NIPBL: variants seen among roughly 807,000 people sequenced by gnomAD.
The protein encoded by NIPBL is NIPBL cohesin loading factor.
A neutral mutation model predicts 321.8 loss-of-function variants in NIPBL; 19 were observed. The ratio of observed to expected loss-of-function variants is 0.06; its 90% CI spans 0.04 to 0.09. The LOEUF is 0.09. Ranked by LOEUF, NIPBL falls within the 10% of genes least tolerant of loss-of-function variation. The probability of loss-of-function intolerance (pLI) is 1.00; values close to 1 mark genes in which losing one functional copy is unlikely to be tolerated. For synonymous variants in NIPBL, 1,106 were observed against 1,114.1 expected (o/e 0.99, Z 0.14); for missense variants, 2,210 against 3,327.0 (o/e 0.66, Z 8.26).
intron 1 of NIPBL, among the ~76,000 whole-genome samples, chr5:36,882,747 A>G (rs1311813789): frequency 6.6e-6 from 1 of 151,978 alleles, no homozygotes. Flanking sequence ...TTCAAAATTT[A>G]TAATACAATT....
intron 6 of NIPBL, among the ~76,000 whole-genome samples, chr5:36,970,484 T>TA (rs1742734036): frequency 6.6e-6 from 1 of 150,696 alleles, no homozygotes; most frequent in Non-Finnish European, 1.5e-5. Context: ...GATAGATACA[T>TA]ATATCATCTA....
intron 5 of NIPBL, 100 bp from the exon 6 acceptor site, chr5:36,962,023 A>G (rs1741682475): frequency 1.5e-6 from 2 of 1,322,082 alleles, no homozygotes; most frequent in Non-Finnish European, 2.2e-6. Flanking sequence ...TTTTACATAT[A>G]TAAACTAAGA....
At position 37,042,843 on chromosome 5, in the gene NIPBL, GA is replaced by G. The variant is rs1169317720; in HGVS notation, c.6109-1493del. ...TCCGTCTCAAAAAAAAAAAAGAAAG[GA>G]AAAAAAAAAACTAGATTAAAAACAT... On this transcript the variant is annotated intron_variant, in intron 34 of 46. Coordinates refer to ENST00000282516, the MANE Select transcript of NIPBL (RefSeq NM_133433.4). Among the ~76,000 whole-genome samples, 43 of 137,092 alleles carry G rather than the reference GA, an allele frequency of 3.1e-4. No individual in the cohort carries two copies. The East Asian group carries it at 3.4e-3, about 11-fold the overall frequency. The allele number at this position is 137,092 out of a possible 152,430, so 89.9% of individuals were successfully genotyped here.
At chr5:36,922,185 G>A (rs1309447192) in intron 1 of NIPBL, among the ~76,000 whole-genome samples, 2 of 151,986 alleles carry the variant, frequency 1.3e-5, no homozygotes, top group Non-Finnish European at 2.9e-5. Context: ...ACAGCACCTG[G>A]CCCCTTCAAT....
At chr5:36,900,882 T>A (rs184434847) in intron 1 of NIPBL, among the ~76,000 whole-genome samples, 1 of 152,310 alleles carries the variant, frequency 6.6e-6, no homozygotes, top group Admixed American at 6.5e-5. Flanking sequence ...CCATCTTTTC[T>A]TTGATGCCTT....
At chr5:36,989,354 C>T (rs1188637007) in intron 10 of NIPBL, among the ~76,000 whole-genome samples, 1 of 152,132 alleles carries the variant, frequency 6.6e-6, no homozygotes, top group Admixed American at 6.6e-5. Flanking sequence ...ATCTTTCCAT[C>T]ACCATGTTTA....
intron 1 of NIPBL, among the ~76,000 whole-genome samples, chr5:36,945,277 C>T (rs1739540763): frequency 6.6e-6 from 1 of 152,146 alleles, no homozygotes; most frequent in Non-Finnish European, 1.5e-5. Context: ...TAACTAACTA[C>T]AGGCCTCTGC....
At chr5:36,924,538 G>A (rs985309707) in intron 1 of NIPBL, among the ~76,000 whole-genome samples, 2 of 152,086 alleles carry the variant, frequency 1.3e-5, no homozygotes, top group Non-Finnish European at 2.9e-5. Context: ...AGCTGGTTTG[G>A]TCAGGAACAC....
chr5:37,018,890 G>T (rs964416540), intron 24 of NIPBL, among the ~76,000 whole-genome samples: 7 of 152,070 alleles, frequency 4.6e-5, no homozygotes, highest in Non-Finnish European at 8.8e-5. Flanking sequence ...ATTATTTGAG[G>T]TCAGGAGTTC....
In NIPBL at chr5:37,064,169, TA is replaced by T. The variant is rs922140809; in HGVS notation, c.8049+198del. On this transcript the variant is annotated intron_variant, in intron 46 of 46. Transcript: ENST00000282516. ...GTAGAAAGTTTAACATAAAAGACAA[TA>T]AAAAAACAGAAATGAGATTTATCCA... 2.3e-5 allele frequency: 32 copies of T among 1,419,640 alleles called. No homozygotes were observed. In the Admixed American group the frequency reaches 3.0e-4, roughly 13 times the overall value. The allele number at this position is 1,419,640 out of a possible 1,614,324, so 87.9% of individuals were successfully genotyped here.
chr5:36,985,801 C>T lies in NIPBL; in HGVS notation c.2621C>T (p.Ser874Leu), dbSNP rs1744718399. ...CTAGAACGAAAACACAGGCATGAAT[C>T]AGGGGACTCAAGGGAAAGACCATCT... ...DKLERKHRHESGDSRERPSSG... is the reference protein window; with the variant it reads ...DKLERKHRHELGDSRERPSSG... The change falls in exon 10 of 47, where the codon TCA becomes TTA. Residue 874 changes from serine (S) to leucine (L), a missense_variant. Around this residue, in one of 14 missense-constraint regions of NIPBL, gnomAD observed 588 missense variants for 564.1 expected, o/e 1.04. Transcript: ENST00000282516. The T allele has an allele frequency of 6.2e-7, 1 of 1,613,898 alleles. No homozygotes were observed. The highest frequency in any genetic ancestry group is 8.5e-7 in the Non-Finnish European group (1 of 1,179,946).
At chr5:36,878,030 A>G (rs1262164685) in intron 1 of NIPBL, among the ~76,000 whole-genome samples, 1 of 152,252 alleles carries the variant, frequency 6.6e-6, no homozygotes, top group Non-Finnish European at 1.5e-5. Flanking sequence ...GACTATACGT[A>G]AAACACTCAG....
At position 37,058,978 on chromosome 5, in the gene NIPBL, C is replaced by T; in HGVS notation, c.7498C>T (p.Pro2500Ser). ...CGACAGTGAAGAAGAAGTTTCCAGG[C>T]CTCGGAAGTCACGGAAACGTGTAGA... ...SSDSEEEVSR[P>S]RKSRKRVDSD... The change falls in exon 44 of 47, where the codon CCT (proline) becomes TCT (serine). Residue 2500 changes from proline (P) to serine (S), a missense_variant. Pro to Ser is a moderately conservative substitution (Grantham distance 74). Around this residue, in one of 14 missense-constraint regions of NIPBL, gnomAD observed 79 missense variants for 90.8 expected, o/e 0.87. Coordinates refer to ENST00000282516, the MANE Select transcript of NIPBL (RefSeq NM_133433.4). The T allele has an allele frequency of 6.2e-7, 1 of 1,614,126 alleles. No homozygotes were observed. Among genetic ancestry groups the T allele is most frequent in the South Asian group, 1.1e-5 (1 of 91,080 alleles).
intron 6 of NIPBL, among the ~76,000 whole-genome samples, chr5:36,962,642 T>G (rs1472089453): frequency 6.6e-6 from 1 of 152,216 alleles, no homozygotes; most frequent in Non-Finnish European, 1.5e-5. Context: ...ACAGTCAGCC[T>G]TTCACATACA....
At position 37,052,458 on chromosome 5, in the gene NIPBL, C is replaced by T. The variant is rs772030142; in HGVS notation, c.7155C>T (p.Asp2385=). 2.0e-5 allele frequency: 32 copies of T among 1,613,946 alleles called. No homozygotes were observed. Among genetic ancestry groups the T allele is most frequent in the East Asian group, 4.5e-5 (2 of 44,884 alleles). ...LKDPVRGFRQ[D]ESSSALCSHL... ...ATCCTGTAAGGGGTTTCAGACAAGACGAGTCCTCTAGCGCTTTGTGTTCAC... is the reference window on the plus strand; with the variant it reads ...ATCCTGTAAGGGGTTTCAGACAAGATGAGTCCTCTAGCGCTTTGTGTTCAC... Residue 2385 remains aspartate (D), a synonymous_variant, in exon 42 of 47, where the codon GAC becomes GAT. Transcript: ENST00000282516.
At chr5:37,044,525 T>C (rs1171275466) in intron 35 of NIPBL, 38 bp downstream of exon 35, 1 of 1,602,014 alleles carries the variant, frequency 6.2e-7, no homozygotes, top group Non-Finnish European at 8.6e-7. Flanking sequence ...TTCATTAGTG[T>C]AAAGTTCTAA....
intron 6 of NIPBL, among the ~76,000 whole-genome samples, chr5:36,967,022 A>G (rs1171078603): frequency 6.6e-6 from 1 of 152,004 alleles, no homozygotes; most frequent in Non-Finnish European, 1.5e-5. Flanking sequence ...CATAAATATA[A>G]AACAAATATG....
chr5:37,001,112 C>CT (rs768548125), intron 14 of NIPBL, 34 bp downstream of exon 14: 11 of 1,360,720 alleles, frequency 8.1e-6, no homozygotes, highest in African/African-American at 4.3e-5. Context: ...TACACATACT[C>CT]TAAGTGTCTT....
chr5:36,985,171 A>T lies in NIPBL; in HGVS notation c.1991A>T (p.Asn664Ile), dbSNP rs375510491. The stretch of plus-strand genomic sequence containing the variant: ...AGCAGAACAACTGAATGCAAACAAA[A>T]CGAGAGCACCATAGTTGAGCCTAAA... Reference protein sequence around the residue: ...NESRTTECKQNESTIVEPKQN... With the variant: ...NESRTTECKQIESTIVEPKQN... Residue 664 changes from asparagine to isoleucine, a missense_variant, in exon 10 of 47, where the codon AAC becomes ATC. Transcript: ENST00000282516. 1.2e-6 allele frequency: 2 copies of T among 1,613,866 alleles called. No homozygotes were observed. Among genetic ancestry groups the T allele is most frequent in the Admixed American group, 1.7e-5 (1 of 59,886 alleles).
Sources: allele counts gnomAD v4.1 joint callset (sites outside exome capture counted in the v4.1 genomes callset), GRCh38; gene constraint gnomAD v4.1.1; regional missense constraint gnomAD v4.1.1; transcripts MANE v1.5; gene names NCBI Gene and HGNC (gene_info 2026-07-23, HGNC 2026-07-21).